Variants in MYRIP observed in about 807,000 individuals in gnomAD.
The protein encoded by MYRIP is myosin VIIA and Rab interacting protein.
A neutral mutation model predicts 98.0 loss-of-function variants in MYRIP; 49 were observed. The ratio of observed to expected loss-of-function variants is 0.50; its 90% CI spans 0.40 to 0.63. MYRIP has a LOEUF of 0.63. Ranked by LOEUF, MYRIP falls within the 30% of genes least tolerant of loss-of-function variation. MYRIP has a pLI of 0.00. For missense variants in MYRIP, 1,004 were observed against 1,058.2 expected, an observed-to-expected ratio of 0.95 and a Z score of 0.71; for synonymous variants, 404 against 409.5, an observed-to-expected ratio of 0.99 and a Z score of 0.16.
intron 2 of MYRIP, among the ~76,000 whole-genome samples, chr3:39,947,918 C>G (rs1559532584): frequency 6.6e-6 from 1 of 152,158 alleles, no homozygotes; most frequent in Admixed American, 6.6e-5. Context: ...TGGCTCCACA[C>G]AGTAATCACT....
At chr3:40,042,812 A>T (rs1418878057) in intron 2 of MYRIP, among the ~76,000 whole-genome samples, 11 of 152,198 alleles carry the variant, frequency 7.2e-5, no homozygotes, top group Admixed American at 7.2e-4. Context: ...TGAAACTGTC[A>T]TAAGTTGAAA....
intron 7 of MYRIP, among the ~76,000 whole-genome samples, chr3:40,169,487 G>C (rs1950565771): frequency 6.6e-6 from 1 of 152,144 alleles, no homozygotes; most frequent in Non-Finnish European, 1.5e-5. Flanking sequence ...CCCTTGATAG[G>C]GCTTCCAGAT....
At chr3:39,874,114 G>T (rs891389546) in intron 1 of MYRIP, among the ~76,000 whole-genome samples, 8 of 151,736 alleles carry the variant, frequency 5.3e-5, no homozygotes, top group Non-Finnish European at 1.0e-4. Flanking sequence ...GTGAATGGGA[G>T]TTCACTCATG....
chr3:40,209,828 A>G (rs1405475311), intron 10 of MYRIP, 26 bp from the exon 11 acceptor site: 3 of 1,613,174 alleles, frequency 1.9e-6, no homozygotes, highest in Non-Finnish European at 2.5e-6. Context: ...AGGGCTCCTC[A>G]TCTCATGATT....
At chr3:40,164,643 A>G (rs901619038) in intron 5 of MYRIP, among the ~76,000 whole-genome samples, 1 of 152,170 alleles carries the variant, frequency 6.6e-6, no homozygotes, top group African/African-American at 2.4e-5. Context: ...TGACACATTG[A>G]CCATCCCACC....
At chr3:40,033,805 T>C (rs1947314672) in intron 2 of MYRIP, among the ~76,000 whole-genome samples, 1 of 152,134 alleles carries the variant, frequency 6.6e-6, no homozygotes, top group African/African-American at 2.4e-5. Flanking sequence ...GGCATCACGC[T>C]ACCTGACTTC....
At chr3:39,995,681 A>G (rs375382152) in intron 2 of MYRIP, among the ~76,000 whole-genome samples, 33 of 152,274 alleles carry the variant, frequency 2.2e-4, no homozygotes, top group African/African-American at 7.2e-4. Flanking sequence ...AGGAAATACA[A>G]TGAATGACGC....
At chr3:40,085,815 A>C (rs1948614493) in intron 3 of MYRIP, among the ~76,000 whole-genome samples, 1 of 152,236 alleles carries the variant, frequency 6.6e-6, no homozygotes. Flanking sequence ...CTCTCTCCTC[A>C]TGAGTTTTAT....
intron 1 of MYRIP, among the ~76,000 whole-genome samples, chr3:39,836,887 C>T (rs1256352186): frequency 2.0e-5 from 3 of 152,126 alleles, no homozygotes; most frequent in Non-Finnish European, 2.9e-5. Flanking sequence ...GGGCAATTTT[C>T]CTGGTTGACC....
chr3:39,902,246 A>G (rs1943759546), intron 2 of MYRIP, among the ~76,000 whole-genome samples: 1 of 152,228 alleles, frequency 6.6e-6, no homozygotes, highest in Non-Finnish European at 1.5e-5. Flanking sequence ...CTTGGCATTT[A>G]TGTATTTGCA....
intron 1 of MYRIP, among the ~76,000 whole-genome samples, chr3:39,820,382 T>TTTTGTTTGTTTGTTTG (rs59564629): frequency 2.4e-3 from 365 of 151,126 alleles, no homozygotes; most frequent in African/African-American, 8.2e-3. Flanking sequence ...TACATGATGG[T>TTTTGTTTGTTTGTTTG]TTTGTTTGTT....
At chr3:39,844,776 G>A (rs1941908566) in intron 1 of MYRIP, among the ~76,000 whole-genome samples, 1 of 152,152 alleles carries the variant, frequency 6.6e-6, no homozygotes. Context: ...AACCCTATGA[G>A]CATTTGTGGT....
intron 15 of MYRIP, 119 bp from the exon 16 acceptor site, chr3:40,251,762 C>A (rs542506523): frequency 2.9e-6 from 2 of 690,218 alleles, no homozygotes; most frequent in East Asian, 2.5e-5. Flanking sequence ...AAACACAGTA[C>A]AGGAATGAGA....
intron 12 of MYRIP, among the ~76,000 whole-genome samples, chr3:40,242,872 G>A (rs1176100454): frequency 2.6e-5 from 4 of 151,350 alleles, no homozygotes; most frequent in Non-Finnish European, 5.9e-5. Context: ...CCCTCTAAAG[G>A]GAAGTTTTTC....
intron 2 of MYRIP, among the ~76,000 whole-genome samples, chr3:39,969,742 T>A (rs1312500093): frequency 6.6e-6 from 1 of 152,184 alleles, no homozygotes; most frequent in East Asian, 1.9e-4. Flanking sequence ...TGTTGAGGAT[T>A]TTTGCATCAA....
chr3:40,120,942 C>T (rs943815086), intron 3 of MYRIP, among the ~76,000 whole-genome samples: 1 of 152,046 alleles, frequency 6.6e-6, no homozygotes, highest in East Asian at 1.9e-4. Flanking sequence ...CCCCATCCCC[C>T]AGTCCTGACA....
At chr3:39,919,749 A>AGAG (rs1458365170) in intron 2 of MYRIP, among the ~76,000 whole-genome samples, 1 of 151,146 alleles carries the variant, frequency 6.6e-6, no homozygotes, top group Admixed American at 6.6e-5. Context: ...AGAGAGAGAG[A>AGAG]AATTCATTGA....
At chr3:40,255,904 C>T (rs1244557548) in intron 16 of MYRIP, among the ~76,000 whole-genome samples, 1 of 152,164 alleles carries the variant, frequency 6.6e-6, no homozygotes, top group Non-Finnish European at 1.5e-5. Flanking sequence ...TGACTTTATA[C>T]CAAATCACAA....
At chr3:39,859,483 T>G (rs976676180) in intron 1 of MYRIP, among the ~76,000 whole-genome samples, 2 of 152,222 alleles carry the variant, frequency 1.3e-5, no homozygotes, top group Non-Finnish European at 2.9e-5. Flanking sequence ...CAAACTCTTC[T>G]GAAAAACTGA....
Sources: gnomAD v4.1 joint callset for allele counts (sites outside exome capture counted in the v4.1 genomes callset) on GRCh38, gnomAD v4.1.1 for gene constraint, MANE v1.5 for transcripts, NCBI Gene and HGNC (gene_info 2026-07-23, HGNC 2026-07-21) for gene names.